Variants in FAM78B observed in about 807,000 individuals in gnomAD.
FAM78B encodes protein FAM78B.
A neutral mutation model predicts 20.0 loss-of-function variants in FAM78B; 10 were observed. The ratio of observed to expected loss-of-function variants is 0.50; its 90% CI spans 0.31 to 0.85. The LOEUF is 0.85. Among genes scored for constraint, FAM78B ranks in the 40% least tolerant of loss-of-function variants. The probability of loss-of-function intolerance (pLI) is 0.05; values close to 1 mark genes in which losing one functional copy is unlikely to be tolerated. For synonymous variants in FAM78B, 135 were observed against 132.8 expected (o/e 1.02, Z -0.12); for missense variants, 283 against 345.0 (o/e 0.82, Z 1.42).
intron 1 of FAM78B, among the ~76,000 whole-genome samples, chr1:166,159,345 A>T (rs955288168): frequency 6.6e-6 from 1 of 152,098 alleles, no homozygotes; most frequent in Non-Finnish European, 1.5e-5. Flanking sequence ...ACCCCCTGAG[A>T]CTCAGTTTCC....
chr1:166,107,083 C>T (rs1432752185), intron 1 of FAM78B, among the ~76,000 whole-genome samples: 1 of 151,966 alleles, frequency 6.6e-6, no homozygotes, highest in East Asian at 1.9e-4. Context: ...AAGGTCACAC[C>T]TCAAGGAACT....
At chr1:166,074,867 C>A (rs73033949) in intron 1 of FAM78B, among the ~76,000 whole-genome samples, 9,517 of 152,210 alleles carry the variant, frequency 0.063, 999 homozygotes, top group African/African-American at 0.22. Flanking sequence ...AGTGATACAG[C>A]AATTTGGAGA....
intron 1 of FAM78B, among the ~76,000 whole-genome samples, chr1:166,084,205 CCACACA>C (rs374157991): frequency 2.1e-4 from 25 of 121,074 alleles, no homozygotes; most frequent in Admixed American, 8.8e-4. Flanking sequence ...GATGTAGAAA[CCACACA>C]CACACACACA....
chr1:166,101,626 C>T (rs949237817), intron 1 of FAM78B, among the ~76,000 whole-genome samples: 9 of 151,788 alleles, frequency 5.9e-5, no homozygotes, highest in Admixed American at 2.6e-4. Flanking sequence ...GAAGATCAAA[C>T]GAATGAAATG....
downstream of FAM78B, among the ~76,000 whole-genome samples, chr1:166,067,246 T>C (rs1401600373): frequency 3.3e-5 from 5 of 152,154 alleles, no homozygotes; most frequent in East Asian, 9.7e-4. Flanking sequence ...TGGCTAGGTA[T>C]ACCATTCTGA....
chr1:166,075,475 G>A (rs1267085150), intron 1 of FAM78B, among the ~76,000 whole-genome samples: 2 of 152,150 alleles, frequency 1.3e-5, no homozygotes, highest in South Asian at 2.1e-4. Context: ...TGGTCTCACT[G>A]TCCCTGACAT....
intron 1 of FAM78B, among the ~76,000 whole-genome samples, chr1:166,105,456 T>G (rs891299948): frequency 1.3e-5 from 2 of 152,102 alleles, no homozygotes; most frequent in Non-Finnish European, 2.9e-5. Context: ...AACCTACTCA[T>G]CTGACAAAGG....
intron 2 of FAM78B, among the ~76,000 whole-genome samples, chr1:166,062,736 T>G (rs560892320): frequency 6.6e-6 from 1 of 152,228 alleles, no homozygotes; most frequent in Non-Finnish European, 1.5e-5. Context: ...AAGTGGGAAA[T>G]AATTTAATTG....
chr1:166,141,164 G>A (rs1048435190), intron 1 of FAM78B, among the ~76,000 whole-genome samples: 3 of 152,202 alleles, frequency 2.0e-5, no homozygotes, highest in South Asian at 2.1e-4. Context: ...TATGAAGTGC[G>A]TACTGGGGCA....
intron 1 of FAM78B, among the ~76,000 whole-genome samples, chr1:166,108,629 C>T (rs1006195180): frequency 1.3e-5 from 2 of 152,044 alleles, no homozygotes; most frequent in African/African-American, 4.8e-5. Context: ...CAAAATACCA[C>T]TATCATTCTT....
At chr1:166,165,220 G>C (rs79656476) in intron 1 of FAM78B, 6,537 of 152,328 alleles carry the variant, frequency 0.043, 198 homozygotes, top group Non-Finnish European at 0.068. Context: ...GTTTTAAAAA[G>C]TAAGGACCCT....
intron 1 of FAM78B, among the ~76,000 whole-genome samples, chr1:166,097,515 C>T (rs1049595698): frequency 3.9e-5 from 6 of 152,058 alleles, no homozygotes; most frequent in South Asian, 2.1e-4. Flanking sequence ...GGGACTGTTG[C>T]GGGGAGCATG....
intron 1 of FAM78B, among the ~76,000 whole-genome samples, chr1:166,128,486 A>G (rs1467742949): frequency 6.6e-6 from 1 of 152,226 alleles, no homozygotes; most frequent in Admixed American, 6.5e-5. Flanking sequence ...TAGGCAGTTA[A>G]CACCTGAATT....
intron 1 of FAM78B, among the ~76,000 whole-genome samples, chr1:166,080,362 T>C (rs977112088): frequency 6.6e-6 from 1 of 152,164 alleles, no homozygotes; most frequent in African/African-American, 2.4e-5. Context: ...TCTCCAAAAA[T>C]TAATCAACTA....
At chr1:166,056,415 A>G (rs554312872), downstream of FAM78B, among the ~76,000 whole-genome samples, 46 of 152,244 alleles carry the variant, frequency 3.0e-4, no homozygotes, top group African/African-American at 1.1e-3. Context: ...GGTGGTGGGG[A>G]CGGGCAGGAG....
chr1:166,069,278 C>T (rs886531925), downstream of FAM78B, among the ~76,000 whole-genome samples: 5 of 146,482 alleles, frequency 3.4e-5, no homozygotes, highest in Admixed American at 3.4e-4. Context: ...ATGTTCAGAT[C>T]ATTCAGAAAC....
chr1:166,061,669 G>T (rs188464717), intron 2 of FAM78B, among the ~76,000 whole-genome samples: 73 of 152,322 alleles, frequency 4.8e-4, no homozygotes, highest in Non-Finnish European at 9.7e-4. Context: ...GTGTTCCTCT[G>T]CATTCCCTGT....
In FAM78B at chr1:166,137,059, T is replaced by C. The variant is rs80071066; in HGVS notation, c.263+28927A>G. ...TAGTCCTTTACTTTTCCTACAGATC[T>C]ATAGAAAAGGAGTGTTCCAGGATGA... is the stretch of plus-strand genomic sequence containing the variant. On this transcript the variant is annotated intron_variant, in intron 1 of 1. Coordinates refer to ENST00000354422, the MANE Select transcript of FAM78B (RefSeq NM_001017961.5). Among the ~76,000 whole-genome samples the C allele has an allele frequency of 6.6e-3, 1,012 of 152,294 alleles. 13 individuals are homozygous for C. Among genetic ancestry groups the C allele is most frequent in the African/African-American group, 0.024 (982 of 41,542 alleles).
intron 1 of FAM78B, among the ~76,000 whole-genome samples, chr1:166,160,054 A>G (rs962970200): frequency 1.3e-5 from 2 of 152,162 alleles, no homozygotes; most frequent in African/African-American, 2.4e-5. Context: ...GAGCCTCCTG[A>G]TTGGAATGAA....
Sources: allele counts gnomAD v4.1 joint callset (sites outside exome capture counted in the v4.1 genomes callset), GRCh38; gene constraint gnomAD v4.1.1; transcripts MANE v1.5; gene names NCBI Gene and HGNC (gene_info 2026-07-23, HGNC 2026-07-21).